Variants in COL14A1 observed in about 807,000 individuals in gnomAD.
COL14A1 encodes the protein collagen type XIV alpha 1 chain.
In COL14A1, 136 loss-of-function variants were observed where a neutral mutation model predicts 230.3. The ratio of observed to expected loss-of-function variants is 0.59; its 90% confidence interval spans 0.51 to 0.68. COL14A1 has a LOEUF of 0.68. COL14A1 is among the 30% of genes least tolerant of loss of function. The probability of loss-of-function intolerance (pLI) is 0.00; values close to 1 mark genes in which losing one functional copy is unlikely to be tolerated. For missense variants in COL14A1, 1,976 were observed against 2,215.8 expected (o/e 0.89, Z 2.17); for synonymous variants, 792 against 784.1 (o/e 1.01, Z -0.17).
intron 40 of COL14A1, among the ~76,000 whole-genome samples, chr8:120,330,751 G>A (rs190570519): frequency 6.6e-6 from 1 of 152,198 alleles, no homozygotes; most frequent in East Asian, 1.9e-4. Context: ...CCTTATCATT[G>A]CTGTCTTTTA....
intron 3 of COL14A1, among the ~76,000 whole-genome samples, chr8:120,161,432 G>C (rs1815662727): frequency 6.6e-6 from 1 of 152,188 alleles, no homozygotes; most frequent in Admixed American, 6.5e-5. Context: ...GAAAGCCTTA[G>C]ATGTCAGTGT....
chr8:120,183,617 G>A (rs1816545229), intron 5 of COL14A1, among the ~76,000 whole-genome samples: 1 of 152,140 alleles, frequency 6.6e-6, no homozygotes, highest in South Asian at 2.1e-4. Context: ...TAGAGCAGAG[G>A]AGAAATGTGA....
chr8:120,355,404 C>CTT (rs144319877), intron 45 of COL14A1, among the ~76,000 whole-genome samples: 3 of 144,424 alleles, frequency 2.1e-5, no homozygotes. Context: ...TAATTTCAGT[C>CTT]TTTTTTTTTT....
intron 3 of COL14A1, among the ~76,000 whole-genome samples, chr8:120,160,756 C>T (rs1057455044): frequency 1.3e-5 from 2 of 152,148 alleles, no homozygotes; most frequent in African/African-American, 4.8e-5. Context: ...TATGGTCCAA[C>T]TATTGTTTCT....
intron 5 of COL14A1, among the ~76,000 whole-genome samples, chr8:120,179,422 G>C (rs1816391823): frequency 6.6e-6 from 1 of 152,110 alleles, no homozygotes; most frequent in Non-Finnish European, 1.5e-5. Flanking sequence ...CAAATCATGA[G>C]TGAATTCCCA....
intron 5 of COL14A1, among the ~76,000 whole-genome samples, chr8:120,178,213 C>T (rs1263931575): frequency 2.0e-5 from 3 of 152,130 alleles, no homozygotes; most frequent in African/African-American, 7.2e-5. Context: ...TCTCCTAATG[C>T]TATCCCTCCC....
At chr8:120,240,039 C>T (rs1206591789) in intron 19 of COL14A1, among the ~76,000 whole-genome samples, 2 of 151,768 alleles carry the variant, frequency 1.3e-5, no homozygotes, top group Admixed American at 1.3e-4. Context: ...TCGTTTCACA[C>T]TGTTTATTTT....
intron 1 of COL14A1, among the ~76,000 whole-genome samples, chr8:120,146,282 T>C (rs146753371): frequency 3.0e-4 from 46 of 152,352 alleles, no homozygotes; most frequent in African/African-American, 1.1e-3. Flanking sequence ...GGAAAACTTC[T>C]ACTCAGCTTT....
intron 1 of COL14A1, among the ~76,000 whole-genome samples, chr8:120,137,667 T>G (rs1814758663): frequency 6.6e-6 from 1 of 152,152 alleles, no homozygotes; most frequent in Admixed American, 6.5e-5. Flanking sequence ...TCATTCCCTT[T>G]CAAACATTTA....
intron 3 of COL14A1, among the ~76,000 whole-genome samples, chr8:120,161,172 C>G (rs1253329009): frequency 6.6e-6 from 1 of 152,066 alleles, no homozygotes; most frequent in African/African-American, 2.4e-5. Flanking sequence ...GCAGGCAGCC[C>G]AGATAATAGC....
At chr8:120,250,838 C>T (rs953604992) in intron 22 of COL14A1, 72 bp downstream of exon 22, 47 of 1,542,510 alleles carry the variant, frequency 3.0e-5, no homozygotes, top group African/African-American at 1.4e-4. Context: ...GATGGAGTCT[C>T]GCTCTGTCGC....
intron 14 of COL14A1, among the ~76,000 whole-genome samples, chr8:120,219,962 A>G (rs1817877293): frequency 6.6e-6 from 1 of 151,846 alleles, no homozygotes; most frequent in Non-Finnish European, 1.5e-5. Context: ...ATTTTGTAAC[A>G]TCGGTTTTGA....
chr8:120,275,926 T>G (rs2129863033), intron 26 of COL14A1, among the ~76,000 whole-genome samples: 1 of 152,042 alleles, frequency 6.6e-6, no homozygotes, highest in Admixed American at 6.6e-5. Flanking sequence ...GTGTGGAGAT[T>G]TCTTAAAGAA....
intron 45 of COL14A1, among the ~76,000 whole-genome samples, chr8:120,359,181 A>T (rs1823097474): frequency 6.6e-6 from 1 of 151,968 alleles, no homozygotes; most frequent in African/African-American, 2.4e-5. Context: ...CTAGGTTTTA[A>T]TCCCCGCATG....
rs772313548 is a variant in COL14A1, at chr8:120,341,318, T to G, written c.4786-7T>G. On this transcript the variant is annotated splice_region_variant and splice_polypyrimidine_tract_variant and intron_variant, in intron 42 of 47. Transcript: ENST00000297848. ...ATAAGTAACTTGACAATTTTCCATT[T>G]ATACAGGGTGTCCCTGGAGCAAAGG... 58 of 1,614,060 alleles carry G rather than the reference T, an allele frequency of 3.6e-5. No homozygotes were observed. Among genetic ancestry groups the G allele is most frequent in the East Asian group, 6.7e-5 (3 of 44,900 alleles).
intron 42 of COL14A1, among the ~76,000 whole-genome samples, chr8:120,337,902 T>C (rs758558705): frequency 6.6e-6 from 1 of 152,244 alleles, no homozygotes; most frequent in Non-Finnish European, 1.5e-5. Flanking sequence ...ATTAAAAAGA[T>C]CTTTCACTGA....
At chr8:120,339,760 G>A (rs372435236) in intron 42 of COL14A1, among the ~76,000 whole-genome samples, 4 of 152,182 alleles carry the variant, frequency 2.6e-5, no homozygotes, top group African/African-American at 9.6e-5. Flanking sequence ...GTGTTGGCCA[G>A]GTGCAGTGGC....
Position 120,162,557 on chromosome 8 carries a change from G to C in COL14A1, c.337G>C (p.Gly113Arg). The part of the protein sequence containing the change: ...NKDKESKPAQ[G>R]QFRIKDLEKR... Reference sequence around the variant, plus strand: ...AGATAAAGAAAGCAAGCCAGCTCAAGGCCAATTCAGAAGTACGTATTTACA... The same window carrying C: ...AGATAAAGAAAGCAAGCCAGCTCAACGCCAATTCAGAAGTACGTATTTACA... Residue 113 changes from glycine (G) to arginine (R), a missense_variant, in exon 4 of 48, where the codon GGC becomes CGC. By Grantham distance (125) the Gly-to-Arg change is moderately radical. This residue lies in a region of COL14A1 where 181 missense variants were observed against 178.6 expected (regional missense o/e 1.01). Coordinates refer to ENST00000297848, the MANE Select transcript of COL14A1 (RefSeq NM_021110.4). The C allele has an allele frequency of 6.2e-7, 1 of 1,604,826 alleles. No homozygotes were observed.
chr8:120,291,082 T>A (rs1020013126), intron 34 of COL14A1, among the ~76,000 whole-genome samples: 1 of 152,184 alleles, frequency 6.6e-6, no homozygotes, highest in Admixed American at 6.5e-5. Flanking sequence ...ACTTGTCTCC[T>A]CCTAATGTGT....
Sources: gnomAD v4.1 joint callset for allele counts (sites outside exome capture counted in the v4.1 genomes callset) on GRCh38, gnomAD v4.1.1 for gene constraint, gnomAD v4.1.1 regional missense constraint, MANE v1.5 for transcripts, NCBI Gene and HGNC (gene_info 2026-07-23, HGNC 2026-07-21) for gene names.